Variants in HMCN1 observed in about 807,000 individuals in gnomAD.
The protein encoded by HMCN1 is hemicentin 1, also known as hemicentin-1.
In HMCN1, 321 loss-of-function variants were observed where a neutral mutation model predicts 625.9. The ratio of observed to expected loss-of-function variants is 0.51; its 90% CI spans 0.47 to 0.56. The LOEUF (loss-of-function observed/expected upper bound fraction) is 0.56. HMCN1 is among the 20% of genes least tolerant of loss of function. HMCN1 has a pLI of 0.00. For missense variants in HMCN1, 6,588 were observed against 6,887.3 expected (o/e 0.96, Z 1.54); for synonymous variants, 2,425 against 2,417.6 (o/e 1.00, Z -0.09).
Position 186,167,024 on chromosome 1 carries a change from T to C in HMCN1, c.15574+82T>C, listed in dbSNP as rs181933883. 7.7e-4 allele frequency: 1,194 copies of C among 1,554,994 alleles called. 2 individuals carry two copies. The highest frequency in any genetic ancestry group is 8.8e-4 in the Non-Finnish European group (987 of 1,127,924). ...TTTGACTCCTCAAAAGTTAACTGTC[T>C]CAGAAACTCCACGAGGAAGGGACCA... On this transcript the variant is annotated intron_variant, in intron 100 of 106. Transcript: ENST00000271588.
At chr1:185,800,393 A>T (rs535963670) in intron 1 of HMCN1, among the ~76,000 whole-genome samples, 3 of 152,296 alleles carry the variant, frequency 2.0e-5, no homozygotes, top group East Asian at 3.9e-4. Context: ...CTAGTCAGTC[A>T]TCTCAAACCC....
chr1:186,063,073 T>TATATATATATATATATATATAA (rs1657841397), intron 48 of HMCN1, among the ~76,000 whole-genome samples: 1 of 86,886 alleles, frequency 1.2e-5, no homozygotes, highest in African/African-American at 4.9e-5. Context: ...TGTGCATATA[T>TATATATATATATATATATATAA]ATATATATAT....
chr1:186,063,085 T>TATATATATATATATATATATAC (rs1657848458), intron 48 of HMCN1, among the ~76,000 whole-genome samples: 4 of 126,840 alleles, frequency 3.2e-5, no homozygotes, highest in Admixed American at 1.5e-4. Flanking sequence ...TATATATATA[T>TATATATATATATATATATATAC]ATATATATAT....
At chr1:186,045,328 T>C (rs1173839771) in intron 40 of HMCN1, among the ~76,000 whole-genome samples, 1 of 152,188 alleles carries the variant, frequency 6.6e-6, no homozygotes, top group Non-Finnish European at 1.5e-5. Flanking sequence ...AAATATTGAA[T>C]GCGTATTCAC....
intron 1 of HMCN1, among the ~76,000 whole-genome samples, chr1:185,736,225 GTAC>G (rs1272469683): frequency 1.3e-5 from 2 of 151,928 alleles, no homozygotes; most frequent in African/African-American, 2.4e-5. Context: ...AAAACAATCT[GTAC>G]TACTCTTCTG....
intron 49 of HMCN1, among the ~76,000 whole-genome samples, chr1:186,067,552 C>CA (rs1426939219): frequency 6.6e-6 from 1 of 152,060 alleles, no homozygotes; most frequent in Non-Finnish European, 1.5e-5. Context: ...AACTCATTTC[C>CA]AAAAAACCTC....
In HMCN1 at chr1:186,001,434, TAG is replaced by T. The variant is rs1558132262; in HGVS notation, c.4200+9_4200+10del. The stretch of plus-strand genomic sequence containing the variant: ...GGTATAAAGATAATGTCCAGGTAAA[TAG>T]AGTCATCCAAATACGTGTAATTCCT... On this transcript the variant is annotated splice_region_variant and intron_variant, in intron 27 of 106. Coordinates refer to ENST00000271588, the MANE Select transcript of HMCN1 (RefSeq NM_031935.3). 32 of 1,612,496 alleles carry T rather than the reference TAG, an allele frequency of 2.0e-5. No individual in the cohort carries two copies. Among genetic ancestry groups the T allele is most frequent in the Admixed American group, 3.3e-5 (2 of 59,936 alleles).
chr1:186,039,577 C>T, intron 38 of HMCN1, 151 bp from the exon 39 acceptor site: 1 of 776,388 alleles, frequency 1.3e-6, no homozygotes, highest in East Asian at 2.6e-5. Context: ...GTGATTAGAT[C>T]TTAAATAAGA....
intron 69 of HMCN1, among the ~76,000 whole-genome samples, chr1:186,105,804 A>C: frequency 6.6e-6 from 1 of 152,198 alleles, no homozygotes; most frequent in East Asian, 1.9e-4. Flanking sequence ...ATGATGGTTC[A>C]AGTTTGGCTG....
rs1164743961 is a variant in HMCN1 at position 186,016,152 on chromosome 1, G to T, written c.5104G>T (p.Ala1702Ser). 1 of 1,613,452 alleles carries T rather than the reference G, an allele frequency of 6.2e-7. No individual in the cohort carries two copies. The highest frequency in any genetic ancestry group is 8.5e-7 in the Non-Finnish European group (1 of 1,179,532). ...TGGGAAGAAACTCGAAATCATGAGT[G>T]CCCAAGAAATTGATCGAGGACAGTA... ...AGGKKLEIMSAQEIDRGQYIC... is the reference protein window; with the variant it reads ...AGGKKLEIMSSQEIDRGQYIC... Residue 1702 changes from alanine (A) to serine (S), a missense_variant, in exon 32 of 107, where the codon GCC becomes TCC. Ala to Ser is a moderately conservative substitution (Grantham distance 99). Transcript: ENST00000271588.
intron 15 of HMCN1, among the ~76,000 whole-genome samples, chr1:185,971,900 A>G (rs1650860331): frequency 1.3e-5 from 2 of 152,160 alleles, no homozygotes; most frequent in South Asian, 4.1e-4. Context: ...TTGAACCATG[A>G]CTAAACTCTG....
rs147875247 is a variant in HMCN1, at chr1:186,172,080, A to C, written c.15763A>C (p.Ile5255Leu). ...GAACACCCGTGGTGGCTATAAGTGC[A>C]TTGATCTTTGTCCAAATGGAATGAC... is the stretch of plus-strand genomic sequence containing the variant. ...CKNTRGGYKC[I>L]DLCPNGMTKA... Residue 5255 changes from isoleucine (I) to leucine (L), a missense_variant, in exon 102 of 107, where the codon ATT becomes CTT. Ile to Leu is a conservative substitution (Grantham distance 5, BLOSUM62 2). This residue lies in a region of HMCN1 where 1,954 missense variants were observed against 2,013.1 expected (regional missense o/e 0.97). Transcript: ENST00000271588. 18 of 1,613,776 alleles carry C rather than the reference A, an allele frequency of 1.1e-5. No homozygotes were observed. The highest frequency in any genetic ancestry group is 2.5e-6 in the Non-Finnish European group (3 of 1,179,814).
chr1:185,840,325 T>C (rs369990498), intron 1 of HMCN1, among the ~76,000 whole-genome samples: 21 of 152,338 alleles, frequency 1.4e-4, no homozygotes, highest in African/African-American at 4.8e-4. Flanking sequence ...AATATGTATA[T>C]TTATACTAAC....
intron 4 of HMCN1, among the ~76,000 whole-genome samples, chr1:185,883,957 G>C (rs1321354532): frequency 5.7e-5 from 7 of 121,930 alleles, no homozygotes; most frequent in African/African-American, 1.9e-4. Context: ...ATTAGTTATT[G>C]TTGAGTATTG....
intron 1 of HMCN1, among the ~76,000 whole-genome samples, chr1:185,817,205 T>C (rs1284984658): frequency 6.6e-6 from 1 of 152,034 alleles, no homozygotes; most frequent in East Asian, 1.9e-4. Flanking sequence ...ACAAGTAGCA[T>C]ATCCCCAGTG....
At chr1:186,098,429 T>C (rs959844078) in intron 68 of HMCN1, among the ~76,000 whole-genome samples, 1 of 152,076 alleles carries the variant, frequency 6.6e-6, no homozygotes, top group Non-Finnish European at 1.5e-5. Flanking sequence ...CCAAGAGGTA[T>C]ATGAAAAAAG....
chr1:185,963,652 CA>C, intron 12 of HMCN1, 115 bp from the exon 13 acceptor site: 2 of 760,548 alleles, frequency 2.6e-6, no homozygotes, highest in Non-Finnish European at 4.5e-6. Flanking sequence ...CTGCAATCGA[CA>C]CCAAAAATAT....
chr1:185,999,434 G>C (rs945437961), intron 25 of HMCN1, among the ~76,000 whole-genome samples: 4 of 151,458 alleles, frequency 2.6e-5, no homozygotes. Context: ...CATTCATTCT[G>C]TTAGTCATAA....
chr1:185,866,397 ATTTTTTT>A (rs969071873), intron 4 of HMCN1, among the ~76,000 whole-genome samples: 130 of 102,604 alleles, frequency 1.3e-3, no homozygotes, highest in African/African-American at 4.6e-3. Flanking sequence ...GTTTGTCATA[ATTTTTTT>A]TTTTTTTTTT....
Sources: gnomAD v4.1 joint callset for allele counts (sites outside exome capture counted in the v4.1 genomes callset) on GRCh38, gnomAD v4.1.1 for gene constraint, gnomAD v4.1.1 regional missense constraint, MANE v1.5 for transcripts, NCBI Gene and HGNC (gene_info 2026-07-23, HGNC 2026-07-21) for gene names.